SYT16: variants seen among roughly 807,000 people sequenced by gnomAD.
The protein encoded by SYT16 is synaptotagmin 16.
SYT16 carries 42 observed loss-of-function variants against 61.4 expected under a neutral mutation model. The ratio of observed to expected loss-of-function variants is 0.68; its 90% CI spans 0.53 to 0.89. The LOEUF (loss-of-function observed/expected upper bound fraction) is 0.89. Among genes scored for constraint, SYT16 ranks in the 40% least tolerant of loss-of-function variants. The pLI, the probability that SYT16 is intolerant of heterozygous loss-of-function variation, is 0.00. For missense variants in SYT16, 804 were observed against 807.3 expected, an observed-to-expected ratio of 1.00 and a Z score of 0.05; for synonymous variants, 314 against 302.3, an observed-to-expected ratio of 1.04 and a Z score of -0.40.
At chr14:61,880,549 A>C (rs1338541133) in intron 1 of SYT16, among the ~76,000 whole-genome samples, 2 of 152,214 alleles carry the variant, frequency 1.3e-5, no homozygotes, top group African/African-American at 4.8e-5. Flanking sequence ...CTCTAGATCA[A>C]TTTTGGAAGA....
chr14:61,838,211 CTGACTGGT>C (rs982193652), intron 1 of SYT16, among the ~76,000 whole-genome samples: 1 of 152,102 alleles, frequency 6.6e-6, no homozygotes, highest in African/African-American at 2.4e-5. Context: ...AATTAACTAC[CTGACTGGT>C]GGGAAAATTA....
chr14:61,970,227 G>A lies in SYT16; in HGVS notation c.-229G>A, dbSNP rs1258210714. The A allele has an allele frequency of 6.6e-6, 1 of 152,062 alleles. No homozygotes were observed. Among genetic ancestry groups the A allele is most frequent in the East Asian group, 1.9e-4 (1 of 5,192 alleles). 9.4% of individuals were successfully genotyped at this position (152,062 alleles called of 1,614,324 possible). A position where few individuals can be genotyped will look rare whatever the true frequency, so the allele number is the denominator to read the frequency against. On this transcript the variant is annotated 5_prime_UTR_variant, in exon 2 of 8. Transcript: ENST00000683842. ...CTTCATCAACAAGAAGCTGTGTTTT[G>A]AAACGATAGGAGGCCTTCCTTTCCT...
At chr14:62,066,251 C>T (rs1163112239) in intron 3 of SYT16, among the ~76,000 whole-genome samples, 1 of 152,206 alleles carries the variant, frequency 6.6e-6, no homozygotes, top group African/African-American at 2.4e-5. Context: ...CTTTCCACCA[C>T]CTCTCTCTGA....
chr14:61,835,907 A>G (rs1398042090), intron 1 of SYT16, among the ~76,000 whole-genome samples: 2 of 152,166 alleles, frequency 1.3e-5, no homozygotes, highest in African/African-American at 2.4e-5. Context: ...CTCAATTTAC[A>G]TGTCCCAGGT....
intron 1 of SYT16, among the ~76,000 whole-genome samples, chr14:61,899,151 A>C (rs1232949368): frequency 6.6e-6 from 1 of 152,236 alleles, no homozygotes; most frequent in African/African-American, 2.4e-5. Context: ...AGGTATTACT[A>C]ATCCCATTCT....
At chr14:62,099,305 C>T (rs2057358513) in intron 7 of SYT16, among the ~76,000 whole-genome samples, 1 of 152,158 alleles carries the variant, frequency 6.6e-6, no homozygotes, top group Admixed American at 6.5e-5. Flanking sequence ...GCAGTGTACA[C>T]AGAGTTCAGA....
chr14:62,024,164 T>C (rs2054013577), intron 3 of SYT16, among the ~76,000 whole-genome samples: 1 of 152,116 alleles, frequency 6.6e-6, no homozygotes. Flanking sequence ...AAATTTTGTA[T>C]ATAATATTTG....
chr14:61,889,214 C>T (rs2048029070), intron 1 of SYT16, among the ~76,000 whole-genome samples: 2 of 152,046 alleles, frequency 1.3e-5, no homozygotes, highest in African/African-American at 4.8e-5. Flanking sequence ...GGGTAGGGGT[C>T]AGTGGATGGA....
At chr14:61,891,329 TC>T (rs530739476) in intron 1 of SYT16, among the ~76,000 whole-genome samples, 1 of 152,070 alleles carries the variant, frequency 6.6e-6, no homozygotes, top group African/African-American at 2.4e-5. Flanking sequence ...GTTTTTTTTT[TC>T]CCCTTGCAAA....
chr14:61,827,072 A>G (rs1404271423), intron 1 of SYT16, among the ~76,000 whole-genome samples: 1 of 150,144 alleles, frequency 6.7e-6, no homozygotes, highest in Non-Finnish European at 1.5e-5. Flanking sequence ...TTGTATTCGG[A>G]GGTAGTGGAG....
intron 1 of SYT16, among the ~76,000 whole-genome samples, chr14:61,882,107 A>G (rs2047721404): frequency 6.6e-6 from 1 of 152,176 alleles, no homozygotes; most frequent in African/African-American, 2.4e-5. Flanking sequence ...TAGTCTCCAC[A>G]TAGCAGCCAA....
chr14:62,075,290 C>T lies in SYT16; in HGVS notation c.892C>T (p.Arg298Cys), dbSNP rs775256228. 18 of 1,613,732 alleles carry T rather than the reference C, an allele frequency of 1.1e-5. No homozygotes were observed. Among genetic ancestry groups the T allele is most frequent in the African/African-American group, 4.0e-5 (3 of 74,862 alleles). The change falls in exon 5 of 8, where the codon CGC becomes TGC. Residue 298 changes from arginine (R) to cysteine (C), a missense_variant. Transcript: ENST00000683842. ...GTCCAGTGTGGTCCAAAGCCTCAGG[C>T]GCCAATCCACAGAGGGCAGCTTGGA... is the stretch of plus-strand genomic sequence containing the variant. ...QESSVVQSLRRQSTEGSLEME... is the reference protein window; with the variant it reads ...QESSVVQSLRCQSTEGSLEME...
chr14:62,039,938 A>G (rs1270014), intron 3 of SYT16, among the ~76,000 whole-genome samples: 65,773 of 151,516 alleles, frequency 0.43, 15,076 homozygotes, highest in Middle Eastern at 0.54. Flanking sequence ...CTAGGAAAGC[A>G]TATCCAGTGA....
chr14:62,062,974 C>T (rs989427281), intron 3 of SYT16, among the ~76,000 whole-genome samples: 2 of 152,198 alleles, frequency 1.3e-5, no homozygotes, highest in African/African-American at 4.8e-5. Context: ...AAAGTAGCAG[C>T]AGACAGGCTC....
chr14:62,032,342 C>A (rs771761415), intron 3 of SYT16, among the ~76,000 whole-genome samples: 26 of 151,892 alleles, frequency 1.7e-4, no homozygotes, highest in Non-Finnish European at 3.2e-4. Context: ...CTTTTAATTC[C>A]TTTCTTGGTA....
Position 61,859,433 on chromosome 14 carries a change from C to G in SYT16, c.-325+46623C>G, listed in dbSNP as rs999975917. Among the ~76,000 whole-genome samples, 6 of 151,874 alleles carry G rather than the reference C, an allele frequency of 4.0e-5. 1 individual carries two copies. The South Asian group carries it at 8.3e-4, about 21-fold the overall frequency. On this transcript the variant is annotated intron_variant, in intron 1 of 7. Transcript: ENST00000683842. ...CATTTGATTAAACCAATCTGTGAGC[C>G]CTACCTACCTAAATCAGACACCACC...
intron 6 of SYT16, among the ~76,000 whole-genome samples, chr14:62,081,693 C>T (rs149237817): frequency 6.6e-6 from 1 of 152,318 alleles, no homozygotes; most frequent in African/African-American, 2.4e-5. Flanking sequence ...AGAACTTCAG[C>T]TGCTTCTGAA....
chr14:61,899,120 C>A (rs1046885187), intron 1 of SYT16, among the ~76,000 whole-genome samples: 19 of 151,924 alleles, frequency 1.3e-4, no homozygotes, highest in African/African-American at 4.6e-4. Flanking sequence ...ACATTTAATT[C>A]TTTTAATAAC....
chr14:62,061,402 G>A (rs1358089318), intron 3 of SYT16, among the ~76,000 whole-genome samples: 1 of 152,058 alleles, frequency 6.6e-6, no homozygotes, highest in Non-Finnish European at 1.5e-5. Flanking sequence ...ACCTAGCAAT[G>A]TTCATACATT....
Sources: allele counts gnomAD v4.1 joint callset (sites outside exome capture counted in the v4.1 genomes callset), GRCh38; gene constraint gnomAD v4.1.1; transcripts MANE v1.5; gene names NCBI Gene and HGNC (gene_info 2026-07-23, HGNC 2026-07-21).